Variants in SPIN3 observed in about 807,000 individuals in gnomAD.
SPIN3 encodes the protein spindlin family member 3, also known as spindlin-3.
For missense variants in SPIN3, 176 were observed against 196.4 expected (o/e 0.90, Z 0.62); for synonymous variants, 74 against 74.3 (o/e 1.00, Z 0.02).
chrX:56,986,086 T>G (rs1924215932), downstream of SPIN3, among the ~76,000 whole-genome samples: 1 of 111,541 alleles, frequency 9.0e-6, no homozygotes, highest in African/African-American at 3.3e-5. Context: ...ATTATTATTA[T>G]TTTTTTAATT....
downstream of SPIN3, chrX:56,975,134 T>C (rs1923978811): frequency 8.9e-6 from 1 of 111,882 alleles, no homozygotes; most frequent in South Asian, 3.7e-4. Flanking sequence ...TTTGAAAAGA[T>C]TTATTCTGAG....
At chrX:56,982,280 GT>G (rs1175230300) in intron 3 of SPIN3, 1 of 111,420 alleles carries the variant, frequency 9.0e-6, no homozygotes, top group African/African-American at 3.3e-5. Context: ...GGAGCAGGAA[GT>G]TTAGGGTCTG....
At chrX:56,978,293 T>C (rs889741382) in exon 5 of SPIN3, 1 of 112,475 alleles carries the variant, frequency 8.9e-6, no homozygotes, top group African/African-American at 3.2e-5. Flanking sequence ...AGGCCTTACC[T>C]TGACTATGAA....
rs780247168 is a variant in SPIN3, at chrX:56,994,621, G to C, written c.327C>G (p.Val109=). 1 of 1,211,177 alleles carries C rather than the reference G, an allele frequency of 8.3e-7. No individual in the cohort carries two copies. The highest frequency in any genetic ancestry group is 2.2e-5 in the Admixed American group (1 of 45,995). Residue 109 remains valine, a synonymous_variant, in exon 2 of 2, where the codon GTC becomes GTG. Transcript: ENST00000374919. ...HRDERVSSLE[V]LPNRVASSRI... is the part of the protein sequence containing the mutation. ...TAGATGATGCAACTCTATTAGGAAG[G>C]ACTTCAAGTGATGACACTCTTTCAT...
downstream of SPIN3, among the ~76,000 whole-genome samples, chrX:56,990,306 C>T (rs891277444): frequency 9.0e-6 from 1 of 111,345 alleles, no homozygotes; most frequent in Non-Finnish European, 1.9e-5. Context: ...AGCCTGAGCC[C>T]CAATTCAAAC....
At chrX:56,987,163 A>T (rs1002216378), downstream of SPIN3, among the ~76,000 whole-genome samples, 3 of 111,564 alleles carry the variant, frequency 2.7e-5, no homozygotes, top group East Asian at 8.4e-4. Context: ...ACAAACAAAA[A>T]CATATTTAAA....
chrX:56,984,217 C>A (rs1265268065), intron 3 of SPIN3: 1 of 184,187 alleles, frequency 5.4e-6, no homozygotes, highest in East Asian at 1.4e-4. Flanking sequence ...CATTTGCTTT[C>A]TGCCGTGTTA....
chrX:56,984,509 G>A (rs1484251903), intron 2 of SPIN3: 3 of 324,927 alleles, frequency 9.2e-6, no homozygotes. Context: ...GTACAGTGGA[G>A]GAGCTGACAT....
At chrX:56,985,847 C>G (rs1038724569), downstream of SPIN3, among the ~76,000 whole-genome samples, 2 of 111,701 alleles carry the variant, frequency 1.8e-5, no homozygotes, top group Non-Finnish European at 3.8e-5. Context: ...ACACTTATCT[C>G]TTAGGCCCTT....
chrX:56,986,738 C>A (rs897933563), downstream of SPIN3, among the ~76,000 whole-genome samples: 1 of 112,552 alleles, frequency 8.9e-6, no homozygotes, highest in Non-Finnish European at 1.9e-5. Flanking sequence ...ATGTTATGCA[C>A]CTGTTTCATA....
downstream of SPIN3, chrX:56,990,803 C>G (rs1363968285): frequency 9.1e-6 from 1 of 109,829 alleles, no homozygotes; most frequent in Non-Finnish European, 1.9e-5. Flanking sequence ...GATTCTGAAC[C>G]AATTAAAAAA....
rs1479921784 is a variant in SPIN3 at position 56,995,518 on chromosome X, T to TA, written c.-306dup. 1 of 112,591 alleles carries TA rather than the reference T, an allele frequency of 8.9e-6. No individual in the cohort carries two copies. Among genetic ancestry groups the TA allele is most frequent in the East Asian group, 2.8e-4 (1 of 3,545 alleles). The allele number at this position is 112,591 out of a possible 1,213,427, so 9.3% of individuals were successfully genotyped here. ...CCCCTCTCCCACATCGGACTCCCAC[T>TA]AGTCGCTGCTGCGCCGCAGTCTCCT... is the stretch of plus-strand genomic sequence containing the variant. On this transcript the variant is annotated 5_prime_UTR_variant, in exon 1 of 2. Coordinates refer to ENST00000374919, the MANE Select transcript of SPIN3 (RefSeq NM_001010862.3).
At chrX:56,979,109 A>G (rs952210610) in intron 3 of SPIN3, 1 of 111,462 alleles carries the variant, frequency 9.0e-6, no homozygotes, top group Non-Finnish European at 1.9e-5. Context: ...TATATTTCCA[A>G]CCTCAGCAAT....
At chrX:56,984,605 C>T (rs1045213542) in intron 2 of SPIN3, 9 of 297,668 alleles carry the variant, frequency 3.0e-5, no homozygotes, top group Non-Finnish European at 5.7e-5. Context: ...CATCACACTT[C>T]GTTTACCTCC....
rs1352068995 is a variant in SPIN3 at position 56,993,359 on chromosome X, TA to T, written c.*811del. On this transcript the variant is annotated 3_prime_UTR_variant, in exon 2 of 2. Coordinates refer to ENST00000374919, the MANE Select transcript of SPIN3 (RefSeq NM_001010862.3). ...CTGGGCTGGCAAAGACCATTTGTGC[TA>T]AAGTCTGCCTGCACAGCTTCTATCA... 8.9e-6 allele frequency: 1 copy of T among 111,879 alleles called. No individual in the cohort carries two copies. Among genetic ancestry groups the T allele is most frequent in the East Asian group, 2.8e-4 (1 of 3,541 alleles). The allele number at this position is 111,879 out of a possible 1,213,427, so 9.2% of individuals were successfully genotyped here. A position where few individuals can be genotyped will look rare whatever the true frequency, so the allele number is the denominator to read the frequency against.
At chrX:56,984,392 G>A in exon 3 of SPIN3, 1 of 311,972 alleles carries the variant, frequency 3.2e-6, no homozygotes, top group Non-Finnish European at 6.1e-6. Flanking sequence ...AGTTGCTGGT[G>A]CTCACACCGG....
downstream of SPIN3, among the ~76,000 whole-genome samples, chrX:56,986,963 C>T (rs1415988708): frequency 8.9e-6 from 1 of 111,734 alleles, no homozygotes; most frequent in Non-Finnish European, 1.9e-5. Flanking sequence ...GAAACCATGT[C>T]TTTACTAAAA....
At chrX:56,989,711 C>T (rs773209798), downstream of SPIN3, among the ~76,000 whole-genome samples, 2 of 111,255 alleles carry the variant, frequency 1.8e-5, no homozygotes, top group East Asian at 5.7e-4. Context: ...AGCATGAACC[C>T]TATTGTGAAC....
intron 3 of SPIN3, chrX:56,979,119 T>A (rs1307321252): frequency 9.0e-6 from 1 of 111,653 alleles, no homozygotes; most frequent in African/African-American, 3.3e-5. Context: ...ACCTCAGCAA[T>A]CTCTATACAT....
Sources: gnomAD v4.1 joint callset for allele counts (sites outside exome capture counted in the v4.1 genomes callset) on GRCh38, gnomAD v4.1.1 for gene constraint, MANE v1.5 for transcripts, NCBI Gene and HGNC (gene_info 2026-07-23, HGNC 2026-07-21) for gene names.